Variants in SLC4A4 observed in about 807,000 individuals in gnomAD.
The protein encoded by SLC4A4 is solute carrier family 4 member 4.
In SLC4A4, 27 loss-of-function variants were observed where a neutral mutation model predicts 111.5. That is an observed-to-expected ratio of 0.24 (90% CI 0.18 to 0.33). The LOEUF is 0.33. SLC4A4 is among the 10% of genes least tolerant of loss of function. SLC4A4 has a pLI of 1.00. For missense variants in SLC4A4, 909 were observed against 1,315.5 expected (o/e 0.69, Z 4.78); for synonymous variants, 443 against 463.4 (o/e 0.96, Z 0.57).
chr4:71,433,504 T>C (rs1440944561), intron 7 of SLC4A4, among the ~76,000 whole-genome samples: 1 of 152,062 alleles, frequency 6.6e-6, no homozygotes, highest in East Asian at 1.9e-4. Flanking sequence ...TGTAAATTTG[T>C]TTAAGTTTCT....
At chr4:71,171,116 TGAA>T (rs1744921296) in intron 2 of SLC4A4, among the ~76,000 whole-genome samples, 2 of 152,022 alleles carry the variant, frequency 1.3e-5, no homozygotes, top group African/African-American at 4.8e-5. Flanking sequence ...CAACAGTTGA[TGAA>T]GAATTACTGA....
intron 6 of SLC4A4, among the ~76,000 whole-genome samples, chr4:71,385,923 T>C (rs1054949960): frequency 1.4e-4 from 22 of 152,262 alleles, no homozygotes; most frequent in African/African-American, 3.9e-4. Flanking sequence ...ACCATATATC[T>C]CTTTTTTTCT....
chr4:71,457,838 G>A (rs1726429930), intron 12 of SLC4A4, among the ~76,000 whole-genome samples: 1 of 151,988 alleles, frequency 6.6e-6, no homozygotes, highest in African/African-American at 2.4e-5. Flanking sequence ...TCATCGATGT[G>A]CAAATCTCTT....
intron 1 of SLC4A4, among the ~76,000 whole-genome samples, chr4:71,080,636 G>A (rs1741968958): frequency 6.6e-6 from 1 of 151,892 alleles, no homozygotes; most frequent in Non-Finnish European, 1.5e-5. Context: ...CAAATACTTT[G>A]TAAACTAAGG....
At chr4:71,412,381 G>T (rs1721434245) in intron 7 of SLC4A4, among the ~76,000 whole-genome samples, 1 of 152,206 alleles carries the variant, frequency 6.6e-6, no homozygotes, top group South Asian at 2.1e-4. Flanking sequence ...AGATGAGAAA[G>T]CTTGAAGGGT....
chr4:71,065,122 C>G (rs896511681), intron 1 of SLC4A4, among the ~76,000 whole-genome samples: 16 of 152,052 alleles, frequency 1.1e-4, no homozygotes, highest in Non-Finnish European at 1.3e-4. Flanking sequence ...GGCCATATGC[C>G]TCACTGAATG....
intron 12 of SLC4A4, among the ~76,000 whole-genome samples, chr4:71,457,989 AT>A (rs1726447580): frequency 6.6e-6 from 1 of 152,062 alleles, no homozygotes. Flanking sequence ...ATTAGCATTT[AT>A]TGTTATATTG....
chr4:71,364,511 A>G lies in SLC4A4; in HGVS notation c.730+7324A>G, dbSNP rs73826295. ...AGGCTGGCAAGTCCAAGATCTAGGTACCAGCAAATTTACTGACTGGTGAGA... is the reference window on the plus strand; with the variant it reads ...AGGCTGGCAAGTCCAAGATCTAGGTGCCAGCAAATTTACTGACTGGTGAGA... On this transcript the variant is annotated intron_variant, in intron 6 of 25. Coordinates refer to ENST00000264485, the MANE Select transcript of SLC4A4 (RefSeq NM_001098484.3). Among the ~76,000 whole-genome samples the G allele has an allele frequency of 7.9e-3, 1,210 of 152,326 alleles. 18 individuals are homozygous for G. Among genetic ancestry groups the G allele is most frequent in the African/African-American group, 0.026 (1,064 of 41,574 alleles).
At chr4:71,120,384 G>A (rs1743380795) in intron 2 of SLC4A4, among the ~76,000 whole-genome samples, 1 of 152,216 alleles carries the variant, frequency 6.6e-6, no homozygotes, top group Non-Finnish European at 1.5e-5. Flanking sequence ...CCAGCTTACT[G>A]AGGAGAGCTT....
At chr4:71,241,026 G>A (rs1218713210) in intron 2 of SLC4A4, among the ~76,000 whole-genome samples, 2 of 152,054 alleles carry the variant, frequency 1.3e-5, no homozygotes, top group African/African-American at 4.8e-5. Context: ...GGTTGAGGTG[G>A]GAGAATCGTT....
chr4:71,543,051 G>A (rs928303598), intron 18 of SLC4A4, among the ~76,000 whole-genome samples: 14 of 152,128 alleles, frequency 9.2e-5, no homozygotes, highest in Non-Finnish European at 1.9e-4. Context: ...TGCACAATGT[G>A]ACACCGCAAA....
Position 71,440,667 on chromosome 4 carries a change from G to C in SLC4A4, c.859G>C (p.Val287Leu). 1 of 1,614,058 alleles carries C rather than the reference G, an allele frequency of 6.2e-7. No homozygotes were observed. Among genetic ancestry groups the C allele is most frequent in the Non-Finnish European group, 8.5e-7 (1 of 1,179,962 alleles). Reference protein sequence around the residue: ...KLPRDAEASNVLVGEVDFLDT... With the variant: ...KLPRDAEASNLLVGEVDFLDT... The stretch of plus-strand genomic sequence containing the variant: ...GCCACGTGATGCAGAAGCTTCCAAC[G>C]TGCTTGTTGGGGAGGTTGACTTTTT... Residue 287 changes from valine to leucine, a missense_variant, in exon 8 of 26, where the codon GTG (valine) becomes CTG (leucine). Val to Leu is a conservative substitution (Grantham distance 32). Transcript: ENST00000264485.
At chr4:71,550,839 AT>A (rs1735921387) in intron 20 of SLC4A4, among the ~76,000 whole-genome samples, 1 of 151,804 alleles carries the variant, frequency 6.6e-6, no homozygotes, top group Non-Finnish European at 1.5e-5. Flanking sequence ...GAAGTTTTTC[AT>A]TTTTATTCTG....
At chr4:71,417,023 G>A (rs527272755) in intron 7 of SLC4A4, among the ~76,000 whole-genome samples, 3 of 152,242 alleles carry the variant, frequency 2.0e-5, no homozygotes, top group South Asian at 2.1e-4. Context: ...CGACTACCAC[G>A]AGATGGAGCA....
At chr4:71,235,191 T>A (rs1560800247) in intron 1 of SLC4A4, among the ~76,000 whole-genome samples, 1 of 152,246 alleles carries the variant, frequency 6.6e-6, no homozygotes, top group Non-Finnish European at 1.5e-5. Flanking sequence ...GTAGCACACT[T>A]GTTCAGTGGT....
At chr4:71,238,787 C>A (rs1388688396) in intron 2 of SLC4A4, among the ~76,000 whole-genome samples, 1 of 152,080 alleles carries the variant, frequency 6.6e-6, no homozygotes, top group African/African-American at 2.4e-5. Context: ...TCCCAATTGA[C>A]CCTCCCCCTT....
chr4:71,524,328 G>T (rs1733228338), intron 16 of SLC4A4, among the ~76,000 whole-genome samples: 1 of 152,088 alleles, frequency 6.6e-6, no homozygotes, highest in Non-Finnish European at 1.5e-5. Flanking sequence ...TGGGTTTCTT[G>T]TTCTACTGTG....
intron 1 of SLC4A4, among the ~76,000 whole-genome samples, chr4:71,198,604 C>A (rs1746112781): frequency 2.4e-4 from 1 of 4,110 alleles, no homozygotes; most frequent in South Asian, 0.05. Context: ...GAGACCTCAC[C>A]AAAGCCTGTA....
chr4:71,410,217 C>T (rs527314813), intron 7 of SLC4A4, among the ~76,000 whole-genome samples: 1 of 152,322 alleles, frequency 6.6e-6, no homozygotes, highest in South Asian at 2.1e-4. Flanking sequence ...GGCTACTGTC[C>T]TCCAGACCCC....
Sources: allele counts gnomAD v4.1 joint callset (sites outside exome capture counted in the v4.1 genomes callset), GRCh38; gene constraint gnomAD v4.1.1; transcripts MANE v1.5; gene names NCBI Gene and HGNC (gene_info 2026-07-23, HGNC 2026-07-21).